EFCAB6: variants seen among roughly 807,000 people sequenced by gnomAD.
EFCAB6 encodes the protein EF-hand calcium-binding domain-containing protein 6.
EFCAB6 carries 156 observed loss-of-function variants against 169.8 expected under a neutral mutation model. That is an observed-to-expected ratio of 0.92 (90% CI 0.81 to 1.05). EFCAB6 has a LOEUF of 1.05. Ranked by LOEUF, EFCAB6 falls within the 50% of genes least tolerant of loss-of-function variation. The pLI, the probability that EFCAB6 is intolerant of heterozygous loss-of-function variation, is 0.00. For synonymous variants in EFCAB6, 698 were observed against 676.4 expected (o/e 1.03, Z -0.50); for missense variants, 1,800 against 1,829.1 (o/e 0.98, Z 0.29).
chr22:43,621,980 G>T (rs1399892519), intron 20 of EFCAB6, among the ~76,000 whole-genome samples: 1 of 152,174 alleles, frequency 6.6e-6, no homozygotes, highest in Non-Finnish European at 1.5e-5. Flanking sequence ...AAACTCACTT[G>T]AGATGAAATA....
chr22:43,732,465 CTTT>C (rs5845617), intron 7 of EFCAB6, among the ~76,000 whole-genome samples: 2 of 119,218 alleles, frequency 1.7e-5, no homozygotes, highest in East Asian at 2.4e-4. Context: ...TACTGAAATA[CTTT>C]TTTTTTTTTT....
In EFCAB6 at chr22:43,784,543, G is replaced by A. The variant is rs544775681; in HGVS notation, c.-7-2218C>T. On this transcript the variant is annotated intron_variant, in intron 2 of 31. Transcript: ENST00000262726. ...TGTGTGTGTGTGTGTGTGTGTGTGT[G>A]TATATGTATATATACACATATATAT... 7.5e-4 allele frequency among the ~76,000 whole-genome samples: 57 copies of A among 75,500 alleles called. 2 individuals are homozygous for A. The East Asian group carries it at 8.0e-3, about 11-fold the overall frequency. The allele number at this position is 75,500 out of a possible 152,430, so 49.5% of individuals were successfully genotyped here.
intron 17 of EFCAB6, among the ~76,000 whole-genome samples, chr22:43,646,149 G>A (rs559103906): frequency 4.6e-5 from 7 of 152,282 alleles, no homozygotes; most frequent in East Asian, 1.9e-4. Context: ...CAAATCTGTC[G>A]TTCAAAGGGT....
intron 21 of EFCAB6, among the ~76,000 whole-genome samples, chr22:43,613,151 T>C (rs1351647199): frequency 6.8e-6 from 1 of 147,910 alleles, no homozygotes; most frequent in East Asian, 1.9e-4. Context: ...ATAAATATCA[T>C]ATATAAATAT....
intron 19 of EFCAB6, among the ~76,000 whole-genome samples, chr22:43,627,750 CTT>C (rs908584064): frequency 6.6e-6 from 1 of 152,180 alleles, no homozygotes; most frequent in Non-Finnish European, 1.5e-5. Flanking sequence ...CTTGTCCCCT[CTT>C]GTTACAGGCT....
intron 10 of EFCAB6, among the ~76,000 whole-genome samples, chr22:43,690,434 T>C (rs1396486967): frequency 6.8e-6 from 1 of 147,276 alleles, no homozygotes; most frequent in Non-Finnish European, 1.5e-5. Flanking sequence ...GAGAATGGCG[T>C]GAACCCAGGA....
chr22:43,591,321 G>A (rs557466878), intron 23 of EFCAB6, among the ~76,000 whole-genome samples: 7 of 151,658 alleles, frequency 4.6e-5, no homozygotes, highest in African/African-American at 1.7e-4. Flanking sequence ...GCCAGGCATG[G>A]CGGTGGGCAC....
intron 10 of EFCAB6, among the ~76,000 whole-genome samples, chr22:43,700,102 G>A (rs1479280484): frequency 6.6e-6 from 1 of 152,166 alleles, no homozygotes; most frequent in Non-Finnish European, 1.5e-5. Flanking sequence ...CACCATGTTA[G>A]TCAAAGGGTC....
chr22:43,578,377 T>C (rs1423691157), intron 25 of EFCAB6, among the ~76,000 whole-genome samples: 4 of 152,132 alleles, frequency 2.6e-5, no homozygotes, highest in Non-Finnish European at 5.9e-5. Context: ...ACTGTGGGGA[T>C]TGAGAGGTGT....
At chr22:43,661,697 A>G (rs925154645) in intron 17 of EFCAB6, among the ~76,000 whole-genome samples, 35 of 152,246 alleles carry the variant, frequency 2.3e-4, no homozygotes, top group African/African-American at 7.5e-4. Context: ...TGCCTCCACC[A>G]GGAGGCATGC....
At chr22:43,582,296 CAT>C (rs997492205) in intron 24 of EFCAB6, among the ~76,000 whole-genome samples, 18 of 151,766 alleles carry the variant, frequency 1.2e-4, no homozygotes, top group Non-Finnish European at 2.6e-4. Context: ...AAGAAAAAAA[CAT>C]ATAGGCATTT....
intron 17 of EFCAB6, among the ~76,000 whole-genome samples, chr22:43,637,389 A>G (rs947461343): frequency 6.6e-6 from 1 of 152,244 alleles, no homozygotes; most frequent in East Asian, 1.9e-4. Flanking sequence ...GAAGAGGACC[A>G]GGGAGCTGGC....
intron 27 of EFCAB6, among the ~76,000 whole-genome samples, chr22:43,541,533 C>T (rs917247756): frequency 1.3e-5 from 2 of 152,142 alleles, no homozygotes; most frequent in Admixed American, 6.5e-5. Flanking sequence ...AGTGCGGGTG[C>T]GGTCTGATGT....
chr22:43,800,229 A>T (rs2062658219), intron 2 of EFCAB6, among the ~76,000 whole-genome samples: 1 of 152,216 alleles, frequency 6.6e-6, no homozygotes, highest in African/African-American at 2.4e-5. Context: ...GACCTCCCCC[A>T]TTCAGGAAGG....
chr22:43,676,368 G>A (rs572072843), intron 13 of EFCAB6, among the ~76,000 whole-genome samples: 5 of 146,570 alleles, frequency 3.4e-5, no homozygotes, highest in Middle Eastern at 3.5e-3. Flanking sequence ...GCAGTGAGCC[G>A]AGATCATGCC....
intron 1 of EFCAB6, among the ~76,000 whole-genome samples, chr22:43,811,094 A>G (rs919205892): frequency 6.6e-6 from 1 of 152,040 alleles, no homozygotes; most frequent in Non-Finnish European, 1.5e-5. Flanking sequence ...AACCTGGCCA[A>G]CATGGTGAAA....
chr22:43,729,551 T>C (rs925636503), intron 8 of EFCAB6, among the ~76,000 whole-genome samples: 1 of 152,108 alleles, frequency 6.6e-6, no homozygotes, highest in Non-Finnish European at 1.5e-5. Flanking sequence ...TTCATGAAAG[T>C]ACGCAAACTC....
chr22:43,558,675 C>T (rs1404590418), intron 26 of EFCAB6, among the ~76,000 whole-genome samples: 2 of 152,174 alleles, frequency 1.3e-5, no homozygotes, highest in East Asian at 1.9e-4. Context: ...GGACCCTCTA[C>T]TAGCAAAAAG....
intron 26 of EFCAB6, among the ~76,000 whole-genome samples, chr22:43,570,480 T>C (rs1344063808): frequency 6.6e-6 from 1 of 152,206 alleles, no homozygotes; most frequent in Non-Finnish European, 1.5e-5. Context: ...ACTTTGCACA[T>C]GGCACTTTGA....
Sources: gnomAD v4.1 joint callset for allele counts (sites outside exome capture counted in the v4.1 genomes callset) on GRCh38, gnomAD v4.1.1 for gene constraint, MANE v1.5 for transcripts, NCBI Gene and HGNC (gene_info 2026-07-23, HGNC 2026-07-21) for gene names.